TRAPPC9: variants seen among roughly 807,000 people sequenced by gnomAD.
TRAPPC9 encodes trafficking protein particle complex subunit 9.
A neutral mutation model predicts 124.0 loss-of-function variants in TRAPPC9; 83 were observed. The observed-to-expected ratio is 0.67, with a 90% CI of 0.56 to 0.80. The LOEUF (loss-of-function observed/expected upper bound fraction) is 0.80, where lower values mean the gene tolerates loss of function less well. TRAPPC9 is among the 30% of genes least tolerant of loss of function. The probability of loss-of-function intolerance (pLI) is 0.00; values close to 1 mark genes in which losing one functional copy is unlikely to be tolerated. For missense variants in TRAPPC9, 1,302 were observed against 1,508.3 expected, an observed-to-expected ratio of 0.86 and a Z score of 2.27; for synonymous variants, 638 against 617.5, an observed-to-expected ratio of 1.03 and a Z score of -0.49.
chr8:140,370,667 T>G (rs1437888963), intron 8 of TRAPPC9, among the ~76,000 whole-genome samples: 1 of 152,208 alleles, frequency 6.6e-6, no homozygotes, highest in Non-Finnish European at 1.5e-5. Context: ...ATCTCATGAG[T>G]AAAATTCATT....
chr8:140,429,454 C>T (rs990298733), intron 4 of TRAPPC9, among the ~76,000 whole-genome samples: 10 of 151,692 alleles, frequency 6.6e-5, no homozygotes, highest in African/African-American at 2.4e-4. Context: ...AGTTCCTCAA[C>T]CTGTCTATGC....
intron 17 of TRAPPC9, among the ~76,000 whole-genome samples, chr8:140,204,428 A>G (rs1186941779): frequency 7.2e-6 from 1 of 138,160 alleles, no homozygotes; most frequent in Non-Finnish European, 1.5e-5. Flanking sequence ...AACAATGAGA[A>G]CACTTGGACA....
rs561638051 is a variant in TRAPPC9, at chr8:140,420,215, G to A, written c.886+6400C>T. 9.9e-5 allele frequency among the ~76,000 whole-genome samples: 15 copies of A among 152,046 alleles called. No homozygotes were observed. The South Asian group carries it at 3.1e-3, about 32-fold the overall frequency. On this transcript the variant is annotated intron_variant, in intron 5 of 22. Coordinates refer to ENST00000438773, the MANE Select transcript of TRAPPC9 (RefSeq NM_001160372.4). ...ACATTGGCTAAAAAAAATTAAAGAA[G>A]GTAAATGTTGAAAAGACATCCATGT...
intron 7 of TRAPPC9, among the ~76,000 whole-genome samples, chr8:140,387,882 C>T (rs1446669913): frequency 2.0e-5 from 3 of 151,978 alleles, no homozygotes; most frequent in Admixed American, 6.6e-5. Context: ...GGGTATATAC[C>T]GAAAGGATTA....
At chr8:140,458,287 T>C (rs1193936873), upstream of TRAPPC9, 51 of 1,555,538 alleles carry the variant, frequency 3.3e-5, no homozygotes, top group Non-Finnish European at 4.2e-5. Context: ...TTACCAGTCC[T>C]TCAGGGCGCG....
chr8:139,936,221 A>G (rs961480993), intron 19 of TRAPPC9, among the ~76,000 whole-genome samples: 1 of 152,246 alleles, frequency 6.6e-6, no homozygotes, highest in Non-Finnish European at 1.5e-5. Context: ...AGCACGCACC[A>G]TCACAGCTCT....
chr8:140,458,158 TG>T, upstream of TRAPPC9: 1 of 1,163,482 alleles, frequency 8.6e-7, no homozygotes, highest in Middle Eastern at 3.2e-4. Context: ...AGGAGGGAGA[TG>T]GAGGGAGATG....
chr8:140,123,493 C>A (rs1349899605), intron 17 of TRAPPC9, among the ~76,000 whole-genome samples: 1 of 152,096 alleles, frequency 6.6e-6, no homozygotes, highest in Non-Finnish European at 1.5e-5. Flanking sequence ...CCTGCCCTCA[C>A]AGCCCGGCCA....
chr8:140,141,473 G>A (rs62529269), intron 17 of TRAPPC9, among the ~76,000 whole-genome samples: 6 of 152,080 alleles, frequency 3.9e-5, no homozygotes, highest in Non-Finnish European at 8.8e-5. Context: ...CATCTGCTGG[G>A]GGTCTTGGAA....
rs573518097 is a variant in TRAPPC9, at chr8:140,074,047, C to T, written c.2557-49968G>A. Among the ~76,000 whole-genome samples the T allele has an allele frequency of 7.2e-5, 11 of 152,338 alleles. No individual in the cohort carries two copies. In the South Asian group the frequency reaches 1.9e-3, roughly 26 times the overall value. On this transcript the variant is annotated intron_variant, in intron 17 of 22. Coordinates refer to ENST00000438773, the MANE Select transcript of TRAPPC9 (RefSeq NM_001160372.4). The stretch of plus-strand genomic sequence containing the variant: ...AGGACCCCCATGTCGCCTTTCATCC[C>T]TCCTGCCACTGCCCAATGCAGGTCT...
rs538152172 is a variant in TRAPPC9, at chr8:139,776,501, C to T, written c.3056-44299G>A. On this transcript the variant is annotated intron_variant, in intron 21 of 22. Transcript: ENST00000438773. The surrounding 1 kb of genome is among the most constrained non-coding windows in gnomAD (Gnocchi z 4.1). ...CACAGGTGATGCATCTCAACCCATT[C>T]GGCAAACGGGAGCTTCATCGCAATA... Among the ~76,000 whole-genome samples, 1 of 152,214 alleles carries T rather than the reference C, an allele frequency of 6.6e-6. No homozygotes were observed. The highest frequency in any genetic ancestry group is 1.5e-5 in the Non-Finnish European group (1 of 68,046).
chr8:140,428,191 T>G (rs1394770607), intron 4 of TRAPPC9, among the ~76,000 whole-genome samples: 1 of 152,220 alleles, frequency 6.6e-6, no homozygotes, highest in Non-Finnish European at 1.5e-5. Flanking sequence ...TGAGTTAAAC[T>G]TTTGATGCCC....
chr8:140,429,494 A>G (rs1335849968), intron 4 of TRAPPC9, among the ~76,000 whole-genome samples: 1 of 152,234 alleles, frequency 6.6e-6, no homozygotes, highest in African/African-American at 2.4e-5. Context: ...AAACTGGGAT[A>G]ATAATCCAAC....
intron 14 of TRAPPC9, among the ~76,000 whole-genome samples, chr8:140,282,843 C>T (rs1053689295): frequency 2.6e-5 from 4 of 152,150 alleles, no homozygotes; most frequent in African/African-American, 9.7e-5. Context: ...AAATCATTTA[C>T]AGTAATTGCT....
intron 9 of TRAPPC9, among the ~76,000 whole-genome samples, chr8:140,350,610 G>C (rs1372387665): frequency 6.6e-6 from 1 of 152,094 alleles, no homozygotes; most frequent in African/African-American, 2.4e-5. Context: ...GTATGATGCA[G>C]AAGAGCCGGG....
chr8:140,403,808 C>T (rs1432192732), intron 6 of TRAPPC9, among the ~76,000 whole-genome samples: 4 of 152,054 alleles, frequency 2.6e-5, no homozygotes, highest in Non-Finnish European at 5.9e-5. Flanking sequence ...CAGGTGCACA[C>T]CACCACATCT....
At chr8:140,123,855 A>G (rs2061032451) in intron 17 of TRAPPC9, among the ~76,000 whole-genome samples, 2 of 152,230 alleles carry the variant, frequency 1.3e-5, no homozygotes, top group Non-Finnish European at 2.9e-5. Context: ...TGAGGAGTGC[A>G]GGTGAAATGG....
chr8:140,360,315 C>CA, intron 8 of TRAPPC9, 122 bp from the exon 9 acceptor site: 1 of 1,270,694 alleles, frequency 7.9e-7, no homozygotes, highest in East Asian at 2.5e-5. Flanking sequence ...ACTCCAAGAG[C>CA]AACAAAAAAT....
chr8:140,458,391 G>A, upstream of TRAPPC9: 2 of 1,597,898 alleles, frequency 1.3e-6, no homozygotes, highest in South Asian at 1.1e-5. Context: ...GACCCTCACG[G>A]TACCCCCCGT....
Sources: allele counts gnomAD v4.1 joint callset (sites outside exome capture counted in the v4.1 genomes callset), GRCh38; gene constraint gnomAD v4.1.1; non-coding constraint Gnocchi (gnomAD v3.1); transcripts MANE v1.5; gene names NCBI Gene and HGNC (gene_info 2026-07-23, HGNC 2026-07-21).